RTN4: variants seen among roughly 807,000 people sequenced by gnomAD.
The protein encoded by RTN4 is reticulon-4.
Under a neutral mutation model 90.4 loss-of-function variants are expected in RTN4, and 32 were observed. That is an observed-to-expected ratio of 0.35 (90% CI 0.27 to 0.48). The LOEUF is 0.48. Among genes scored for constraint, RTN4 ranks in the 20% least tolerant of loss-of-function variants. RTN4 has a pLI of 0.99. For synonymous variants in RTN4, 629 were observed against 552.5 expected (o/e 1.14, Z -1.94); for missense variants, 1,706 against 1,430.2 (o/e 1.19, Z -3.11).
chr2:54,990,729 G>T (rs1000667844), intron 3 of RTN4, among the ~76,000 whole-genome samples: 9 of 152,004 alleles, frequency 5.9e-5, no homozygotes, highest in Admixed American at 3.3e-4. Context: ...TATAGGGTAA[G>T]TAAAAGCTAA....
chr2:55,071,732 G>A (rs1011251754), intron 2 of RTN4, among the ~76,000 whole-genome samples: 3 of 151,966 alleles, frequency 2.0e-5, no homozygotes, highest in African/African-American at 7.3e-5. Flanking sequence ...CAGTGCCTGT[G>A]GTTGTCAAAA....
chr2:55,083,534 T>C (rs1463925340), intron 1 of RTN4, among the ~76,000 whole-genome samples: 3 of 152,064 alleles, frequency 2.0e-5, no homozygotes, highest in Non-Finnish European at 4.4e-5. Flanking sequence ...TGAATTCATA[T>C]ACTATGATTT....
At chr2:55,069,126 G>A (rs1668444657) in intron 2 of RTN4, among the ~76,000 whole-genome samples, 1 of 152,194 alleles carries the variant, frequency 6.6e-6, no homozygotes, top group African/African-American at 2.4e-5. Flanking sequence ...GAAATCTCAG[G>A]AGGAGCACCC....
In RTN4 at chr2:55,067,662, G is replaced by A. The variant is rs562590385; in HGVS notation, c.-63+12827C>T. Among the ~76,000 whole-genome samples, 9 of 152,248 alleles carry A rather than the reference G, an allele frequency of 5.9e-5. No individual in the cohort carries two copies. The South Asian group carries it at 1.9e-3, about 32-fold the overall frequency. On this transcript the variant is annotated intron_variant, in intron 2 of 3. Coordinates refer to the RTN4 transcript ENST00000427710. ...ACTCCTGACCTCAAGTGATTAGCCT[G>A]TCTTGGCCTCCCAAAGTGCTGGGAT...
intron 5 of RTN4, among the ~76,000 whole-genome samples, chr2:54,975,906 G>GA (rs1480024317): frequency 1.3e-5 from 2 of 151,940 alleles, no homozygotes; most frequent in Non-Finnish European, 2.9e-5. Flanking sequence ...TCTGTCAATT[G>GA]AAAAAAAATT....
intron 1 of RTN4, among the ~76,000 whole-genome samples, chr2:55,037,186 C>T (rs1489124500): frequency 6.6e-6 from 1 of 152,040 alleles, no homozygotes; most frequent in African/African-American, 2.4e-5. Flanking sequence ...AAGAGATGCA[C>T]AAAACTGCTA....
intron 1 of RTN4, among the ~76,000 whole-genome samples, chr2:55,107,665 T>C (rs1359129624): frequency 1.3e-5 from 2 of 152,072 alleles, no homozygotes; most frequent in African/African-American, 2.4e-5. Flanking sequence ...GCAGAGATGG[T>C]AGTCAGGCTC....
At chr2:54,973,393 C>T in intron 8 of RTN4, 170 bp downstream of exon 8, 1 of 762,802 alleles carries the variant, frequency 1.3e-6, no homozygotes, top group South Asian at 1.8e-5. Context: ...CATAATAAAC[C>T]CAGAAACGAA....
intron 1 of RTN4, among the ~76,000 whole-genome samples, chr2:55,091,023 C>G (rs550724919): frequency 7.2e-5 from 11 of 152,326 alleles, no homozygotes; most frequent in African/African-American, 2.4e-4. Context: ...GAAGTCTCAG[C>G]CACCAGTCCT....
chr2:55,067,781 C>G (rs553174478), intron 2 of RTN4, among the ~76,000 whole-genome samples: 2 of 152,144 alleles, frequency 1.3e-5, no homozygotes, highest in Non-Finnish European at 2.9e-5. Flanking sequence ...TCCCTTTACA[C>G]TCTTCCGTGC....
chr2:55,021,429 T>C (rs1235793988), intron 3 of RTN4, among the ~76,000 whole-genome samples: 3 of 151,210 alleles, frequency 2.0e-5, no homozygotes, highest in Non-Finnish European at 2.9e-5. Flanking sequence ...TAGTGCCTGA[T>C]AGAAGCATGT....
intron 2 of RTN4, among the ~76,000 whole-genome samples, chr2:55,063,737 C>T (rs1484812871): frequency 6.6e-6 from 1 of 151,842 alleles, no homozygotes; most frequent in Non-Finnish European, 1.5e-5. Context: ...AAAAATCAGC[C>T]GGGCGTGGTG....
the RTN4 span, among the ~76,000 whole-genome samples, chr2:55,128,835 G>A: frequency 2.6e-5 from 4 of 151,622 alleles, no homozygotes; most frequent in Non-Finnish European, 4.4e-5. Context: ...GGCTGGGCAC[G>A]GTGGCTCACG....
chr2:55,010,416 T>G, intron 3 of RTN4: 2 of 1,168,534 alleles, frequency 1.7e-6, no homozygotes. Flanking sequence ...CAAATGGAGC[T>G]GCATTTGCAG....
At chr2:55,097,882 C>T (rs1667773374) in intron 1 of RTN4, among the ~76,000 whole-genome samples, 1 of 151,928 alleles carries the variant, frequency 6.6e-6, no homozygotes, top group Non-Finnish European at 1.5e-5. Context: ...AAGTGAAATT[C>T]CCCCAGGAAG....
At chr2:55,073,010 TC>T (rs1668542738) in intron 2 of RTN4, among the ~76,000 whole-genome samples, 1 of 152,214 alleles carries the variant, frequency 6.6e-6, no homozygotes, top group South Asian at 2.1e-4. Flanking sequence ...CCTTCTAGCT[TC>T]CATCCCTCAA....
intron 3 of RTN4, among the ~76,000 whole-genome samples, chr2:54,990,849 G>A (rs1303973154): frequency 3.3e-5 from 5 of 151,812 alleles, no homozygotes; most frequent in Admixed American, 6.6e-5. Context: ...GCAGTGGCGC[G>A]ATCTCGGCTC....
At chr2:55,060,175 G>A (rs1668264970) in intron 2 of RTN4, among the ~76,000 whole-genome samples, 1 of 152,054 alleles carries the variant, frequency 6.6e-6, no homozygotes, top group Non-Finnish European at 1.5e-5. Context: ...AAAACACACA[G>A]AATTTAGCTT....
chr2:55,012,105 C>G (rs1389077290), intron 3 of RTN4, among the ~76,000 whole-genome samples: 1 of 152,146 alleles, frequency 6.6e-6, no homozygotes, highest in Non-Finnish European at 1.5e-5. Context: ...TACTCAAACA[C>G]TATTTTCAAG....
Sources: allele counts gnomAD v4.1 joint callset (sites outside exome capture counted in the v4.1 genomes callset), GRCh38; gene constraint gnomAD v4.1.1; transcripts MANE v1.5; gene names NCBI Gene and HGNC (gene_info 2026-07-23, HGNC 2026-07-21).